PPFIBP1: variants seen among roughly 807,000 people sequenced by gnomAD.
The protein encoded by PPFIBP1 is liprin-beta-1.
Under a neutral mutation model 137.8 loss-of-function variants are expected in PPFIBP1, and 112 were observed. The observed-to-expected ratio is 0.81, with a 90% confidence interval of 0.70 to 0.95. The LOEUF (loss-of-function observed/expected upper bound fraction) is 0.95, where lower values mean the gene tolerates loss of function less well. PPFIBP1 is among the 40% of genes least tolerant of loss of function. The pLI is 0.00. For missense variants in PPFIBP1, 1,083 were observed against 1,196.6 expected (o/e 0.91, Z 1.40); for synonymous variants, 378 against 417.3 (o/e 0.91, Z 1.15).
intron 10 of PPFIBP1, 113 bp downstream of exon 10, chr12:27,658,961 A>T: frequency 1.0e-6 from 1 of 1,004,422 alleles, no homozygotes; most frequent in South Asian, 1.5e-5. Context: ...AAGTTGCTTC[A>T]TCAATAAGCC....
At chr12:27,543,637 A>G (rs2136054453) in intron 1 of PPFIBP1, among the ~76,000 whole-genome samples, 1 of 152,276 alleles carries the variant, frequency 6.6e-6, no homozygotes, top group Admixed American at 6.5e-5. Flanking sequence ...GCTTCACCTA[A>G]AACATAGATA....
chr12:27,528,101 A>G lies in PPFIBP1; in HGVS notation c.-124+3736A>G, dbSNP rs1225348825. Among the ~76,000 whole-genome samples, 4 of 152,242 alleles carry G rather than the reference A, an allele frequency of 2.6e-5. No homozygotes were observed. The South Asian group carries it at 6.2e-4, about 24-fold the overall frequency. On this transcript the variant is annotated intron_variant, in intron 1 of 29. Coordinates refer to ENST00000228425, the MANE Select transcript of PPFIBP1 (RefSeq NM_003622.4). ...TTAGCTAGGATTACAGGTGTATACCACAACGCCTGGCTAATTTTTGTATTT... is the reference window on the plus strand; with the variant it reads ...TTAGCTAGGATTACAGGTGTATACCGCAACGCCTGGCTAATTTTTGTATTT...
chr12:27,599,986 T>G (rs548878574), intron 2 of PPFIBP1, among the ~76,000 whole-genome samples: 18 of 152,354 alleles, frequency 1.2e-4, no homozygotes, highest in African/African-American at 4.1e-4. Context: ...CATCTTTGTT[T>G]TAGTTAATCA....
chr12:27,544,724 T>G (rs570208596), intron 1 of PPFIBP1, among the ~76,000 whole-genome samples: 1 of 152,308 alleles, frequency 6.6e-6, no homozygotes, highest in African/African-American at 2.4e-5. Context: ...ATGGCAATCA[T>G]TAAATAGTCT....
At chr12:27,607,667 A>G (rs2054662657) in intron 2 of PPFIBP1, among the ~76,000 whole-genome samples, 1 of 152,152 alleles carries the variant, frequency 6.6e-6, no homozygotes, top group South Asian at 2.1e-4. Flanking sequence ...CACTGCTCTT[A>G]ATGAATTTGG....
chr12:27,606,735 T>G (rs976751962), intron 2 of PPFIBP1, among the ~76,000 whole-genome samples: 4 of 152,184 alleles, frequency 2.6e-5, no homozygotes, highest in African/African-American at 9.7e-5. Flanking sequence ...AGACTGAATC[T>G]TAGAGTACAA....
In PPFIBP1 at chr12:27,689,036, G is replaced by A. The variant is rs539499516; in HGVS notation, c.2518G>A (p.Val840Ile). 2.5e-5 allele frequency: 40 copies of A among 1,612,490 alleles called. No homozygotes were observed. Among genetic ancestry groups the A allele is most frequent in the Middle Eastern group, 1.7e-4 (1 of 6,060 alleles). ...GLMVLEPRFN[V>I]ETMAQLLNIP... ...ACAGGTTCTAGAGCCTCGTTTTAAC[G>A]TAGAAACAATGGCTCAGTTATTGAA... is the stretch of plus-strand genomic sequence containing the variant. The change falls in exon 27 of 30, where the codon GTA becomes ATA. Residue 840 changes from valine to isoleucine, a missense_variant. Val to Ile is a conservative substitution (Grantham distance 29). Coordinates refer to ENST00000228425, the MANE Select transcript of PPFIBP1 (RefSeq NM_003622.4).
At chr12:27,662,957 G>C (rs2059639922) in intron 11 of PPFIBP1, among the ~76,000 whole-genome samples, 1 of 152,150 alleles carries the variant, frequency 6.6e-6, no homozygotes, top group South Asian at 2.1e-4. Flanking sequence ...CTGTGAGTTG[G>C]CTAGGTGATT....
chr12:27,525,853 G>T lies in PPFIBP1; in HGVS notation c.-124+1488G>T, dbSNP rs556591603. Among the ~76,000 whole-genome samples the T allele has an allele frequency of 3.8e-3, 585 of 152,320 alleles. 2 individuals are homozygous for T. Among genetic ancestry groups the T allele is most frequent in the Middle Eastern group, 6.8e-3 (2 of 294 alleles). On this transcript the variant is annotated intron_variant, in intron 1 of 29. Transcript: ENST00000228425. ...AGTGTTTGGTTGTGCTGTTGTTTATGACATACCTGGGTCTGTATTGTTGTT... is the reference window on the plus strand; with the variant it reads ...AGTGTTTGGTTGTGCTGTTGTTTATTACATACCTGGGTCTGTATTGTTGTT...
At position 27,525,521 on chromosome 12, in the gene PPFIBP1, A is replaced by G. The variant is rs938281015; in HGVS notation, c.-124+1156A>G. 1.1e-3 allele frequency among the ~76,000 whole-genome samples: 168 copies of G among 147,348 alleles called. 2 individuals are homozygous for G. The highest frequency in any genetic ancestry group is 4.1e-3 in the African/African-American group (155 of 37,814). ...TCTTTTGGAGCAGGAAGGAAAAAAA[A>G]AAAAAAAAAAAAAAAGTAAGCGCTG... On this transcript the variant is annotated intron_variant, in intron 1 of 29. Transcript: ENST00000228425.
intron 6 of PPFIBP1, 137 bp downstream of exon 6, chr12:27,647,979 T>G: frequency 1.7e-6 from 2 of 1,150,652 alleles, no homozygotes; most frequent in Non-Finnish European, 2.3e-6. Context: ...AAAAAAAAAT[T>G]GAGAGTAGTA....
At chr12:27,540,696 C>G (rs1425143572) in intron 1 of PPFIBP1, among the ~76,000 whole-genome samples, 1 of 152,132 alleles carries the variant, frequency 6.6e-6, no homozygotes, top group Non-Finnish European at 1.5e-5. Flanking sequence ...AATTTTTGCT[C>G]CTGTTAGCAC....
intron 1 of PPFIBP1, among the ~76,000 whole-genome samples, chr12:27,559,822 A>T (rs1341317023): frequency 1.3e-5 from 2 of 152,230 alleles, no homozygotes; most frequent in East Asian, 3.8e-4. Context: ...ATGTGGAATA[A>T]ACCCTGCTAT....
intron 2 of PPFIBP1, among the ~76,000 whole-genome samples, chr12:27,590,686 G>A (rs1197818004): frequency 6.6e-6 from 1 of 152,194 alleles, no homozygotes; most frequent in Non-Finnish European, 1.5e-5. Context: ...CCCTAGAGCA[G>A]GTTCTTTAAG....
chr12:27,647,649 T>G, intron 5 of PPFIBP1, 80 bp from the exon 6 acceptor site: 2 of 845,042 alleles, frequency 2.4e-6, no homozygotes, highest in Non-Finnish European at 3.5e-6. Context: ...ATTCCTTTTT[T>G]TGTTCCATTT....
chr12:27,601,071 C>T (rs1205463507), intron 2 of PPFIBP1, among the ~76,000 whole-genome samples: 3 of 152,176 alleles, frequency 2.0e-5, no homozygotes, highest in African/African-American at 7.2e-5. Context: ...ACTTATTCCT[C>T]TTGTCTAACT....
chr12:27,640,839 G>A (rs2058067209), intron 4 of PPFIBP1, among the ~76,000 whole-genome samples: 1 of 152,240 alleles, frequency 6.6e-6, no homozygotes, highest in Non-Finnish European at 1.5e-5. Context: ...ATAGTTCAGA[G>A]TCTAGTGGAG....
intron 2 of PPFIBP1, among the ~76,000 whole-genome samples, chr12:27,596,424 C>T (rs530662167): frequency 6.6e-6 from 1 of 152,258 alleles, no homozygotes; most frequent in East Asian, 1.9e-4. Flanking sequence ...CACAGACTGC[C>T]CACAACTTCC....
In PPFIBP1 at chr12:27,669,567, G is replaced by GA. The variant is rs2060055484; in HGVS notation, c.1147-1864_1147-1863insA. The stretch of plus-strand genomic sequence containing the variant: ...CTGAGTTTGGAGTTAAAGTCTTAAA[G>GA]TTTGAAAAAGATCAAGAAAATTGAT... On this transcript the variant is annotated intron_variant, in intron 13 of 29. Coordinates refer to ENST00000228425, the MANE Select transcript of PPFIBP1 (RefSeq NM_003622.4). 3.9e-5 allele frequency among the ~76,000 whole-genome samples: 6 copies of GA among 152,188 alleles called. No individual in the cohort carries two copies. In the South Asian group the frequency reaches 1.3e-3, roughly 32 times the overall value.
Sources: allele counts gnomAD v4.1 joint callset (sites outside exome capture counted in the v4.1 genomes callset), GRCh38; gene constraint gnomAD v4.1.1; transcripts MANE v1.5; gene names NCBI Gene and HGNC (gene_info 2026-07-23, HGNC 2026-07-21).